FAM13A: variants seen among roughly 807,000 people sequenced by gnomAD.
FAM13A encodes the protein protein FAM13A.
A neutral mutation model predicts 129.6 loss-of-function variants in FAM13A; 76 were observed. That is an observed-to-expected ratio of 0.59 (90% CI 0.49 to 0.71). The LOEUF is 0.71. Ranked by LOEUF, FAM13A falls within the 30% of genes least tolerant of loss-of-function variation. FAM13A has a pLI of 0.00. For synonymous variants in FAM13A, 443 were observed against 449.9 expected, an observed-to-expected ratio of 0.98 and a Z score of 0.20; for missense variants, 1,108 against 1,249.3, an observed-to-expected ratio of 0.89 and a Z score of 1.70.
At chr4:88,791,629 TTTTC>T (rs1725178534) in intron 8 of FAM13A, among the ~76,000 whole-genome samples, 1 of 152,158 alleles carries the variant, frequency 6.6e-6, no homozygotes, top group Non-Finnish European at 1.5e-5. Flanking sequence ...CTAATAGTTC[TTTTC>T]TTTCTTTGTA....
At chr4:88,766,821 T>C (rs1405952341) in intron 13 of FAM13A, among the ~76,000 whole-genome samples, 2 of 152,194 alleles carry the variant, frequency 1.3e-5, no homozygotes, top group Non-Finnish European at 1.5e-5. Flanking sequence ...AGAGTCAGAA[T>C]TTAAGAGTAG....
chr4:89,049,288 T>C (rs1422936274), intron 1 of FAM13A, among the ~76,000 whole-genome samples: 1 of 151,964 alleles, frequency 6.6e-6, no homozygotes, highest in Non-Finnish European at 1.5e-5. Context: ...CCAAGACACA[T>C]TGAAAGTTAA....
chr4:88,757,050 TA>T (rs911057824), intron 14 of FAM13A, among the ~76,000 whole-genome samples: 123 of 151,008 alleles, frequency 8.1e-4, no homozygotes, highest in Middle Eastern at 3.4e-3. Context: ...AATAACTTTT[TA>T]AAAAAAAAAT....
intron 11 of FAM13A, 76 bp from the exon 12 acceptor site, chr4:88,768,135 T>C (rs950874806): frequency 2.8e-5 from 22 of 773,452 alleles, no homozygotes; most frequent in Admixed American, 1.3e-4. Context: ...TTCTTTAAAA[T>C]AGAAAAATCA....
chr4:88,728,492 T>C lies in FAM13A; in HGVS notation c.*41A>G, dbSNP rs1360178074. ...TGCACTTTCTCTGGGGACAGTAAACTCTCACCGCAGCTGCCAGCCCCCTGT... is the reference window on the plus strand; with the variant it reads ...TGCACTTTCTCTGGGGACAGTAAACCCTCACCGCAGCTGCCAGCCCCCTGT... On this transcript the variant is annotated 3_prime_UTR_variant, in exon 24 of 24. Transcript: ENST00000264344. 5 of 1,612,678 alleles carry C rather than the reference T, an allele frequency of 3.1e-6. No individual in the cohort carries two copies. The highest frequency in any genetic ancestry group is 4.2e-6 in the Non-Finnish European group (5 of 1,179,628).
intron 6 of FAM13A, among the ~76,000 whole-genome samples, chr4:88,899,620 T>C (rs1045510837): frequency 2.6e-5 from 4 of 152,080 alleles, no homozygotes; most frequent in Non-Finnish European, 5.9e-5. Context: ...ATAAAACTAA[T>C]ACAATTACTT....
rs752294802 is a variant in FAM13A at position 88,728,563 on chromosome 4, G to A, written c.3042C>T (p.Ser1014=). 2 of 1,614,162 alleles carry A rather than the reference G, an allele frequency of 1.2e-6. No individual in the cohort carries two copies. Among genetic ancestry groups the A allele is most frequent in the Non-Finnish European group, 1.7e-6 (2 of 1,180,012 alleles). Residue 1014 remains serine, a synonymous_variant, in exon 24 of 24, where the codon AGC becomes AGT. Coordinates refer to ENST00000264344, the MANE Select transcript of FAM13A (RefSeq NM_014883.4). The part of the protein sequence containing the change: ...AKLRLLEVLI[S]KRDTDSKSM ...TGGACTTGGAATCAGTGTCTCTCTTGCTGATGAGCACCTCCAGGAGCCTCA... is the reference window on the plus strand; with the variant it reads ...TGGACTTGGAATCAGTGTCTCTCTTACTGATGAGCACCTCCAGGAGCCTCA...
intron 5 of FAM13A, among the ~76,000 whole-genome samples, chr4:88,918,830 C>T (rs1750536556): frequency 6.6e-6 from 1 of 152,190 alleles, no homozygotes; most frequent in Non-Finnish European, 1.5e-5. Context: ...CCATTTTCAG[C>T]CTCTCTTCCA....
At chr4:88,789,486 GC>G (rs2149668946) in intron 9 of FAM13A, among the ~76,000 whole-genome samples, 1 of 152,212 alleles carries the variant, frequency 6.6e-6, no homozygotes, top group African/African-American at 2.4e-5. Context: ...CTCCAAAGAG[GC>G]CCACTCATGT....
rs577643211 is a variant in FAM13A at position 89,012,567 on chromosome 4, C to T, written c.427+7893G>A. On this transcript the variant is annotated intron_variant, in intron 3 of 23. Transcript: ENST00000264344. ...ACCCATAGAATCTCAGAGCTTCAGACATCAGACACATCCAAAGTGTATAAT... is the reference window on the plus strand; with the variant it reads ...ACCCATAGAATCTCAGAGCTTCAGATATCAGACACATCCAAAGTGTATAAT... Among the ~76,000 whole-genome samples the T allele has an allele frequency of 3.9e-5, 6 of 152,310 alleles. No homozygotes were observed. The South Asian group carries it at 1.0e-3, about 26-fold the overall frequency.
At chr4:89,043,936 A>G (rs941539156) in intron 1 of FAM13A, among the ~76,000 whole-genome samples, 8 of 151,902 alleles carry the variant, frequency 5.3e-5, no homozygotes, top group Non-Finnish European at 8.8e-5. Flanking sequence ...CAATCAATCA[A>G]TAAGCAAGCC....
intron 13 of FAM13A, among the ~76,000 whole-genome samples, chr4:88,764,615 T>C (rs1035282245): frequency 2.0e-5 from 3 of 152,196 alleles, no homozygotes; most frequent in African/African-American, 7.2e-5. Flanking sequence ...TCTGGATACT[T>C]GTAGTTTGTT....
intron 6 of FAM13A, among the ~76,000 whole-genome samples, chr4:88,859,771 G>A (rs1233302370): frequency 3.3e-5 from 5 of 152,110 alleles, no homozygotes; most frequent in African/African-American, 1.2e-4. Context: ...GTATAGTGTT[G>A]TTTTTAGAGG....
intron 14 of FAM13A, 127 bp downstream of exon 14, chr4:88,758,627 G>GA: frequency 1.1e-6 from 1 of 938,246 alleles, no homozygotes; most frequent in East Asian, 2.5e-5. Flanking sequence ...CGGTCATTTG[G>GA]AAATGCAGTT....
chr4:88,767,964 G>C lies in FAM13A; in HGVS notation c.1535+19C>G. ...TTCCTGCCCTTGGAAAGAATATTAG[G>C]AGACAATTCTAAAATTACCTTTCAT... is the stretch of plus-strand genomic sequence containing the variant. On this transcript the variant is annotated intron_variant, in intron 12 of 23. Coordinates refer to ENST00000264344, the MANE Select transcript of FAM13A (RefSeq NM_014883.4). The C allele has an allele frequency of 6.9e-7, 1 of 1,458,580 alleles. No homozygotes were observed. Among genetic ancestry groups the C allele is most frequent in the Non-Finnish European group, 9.6e-7 (1 of 1,038,996 alleles). The allele number at this position is 1,458,580 out of a possible 1,614,324, so 90.4% of individuals were successfully genotyped here.
chr4:88,912,568 TACACACACAC>T (rs71594867), intron 5 of FAM13A, among the ~76,000 whole-genome samples: 3,042 of 146,188 alleles, frequency 0.021, 31 homozygotes, highest in Non-Finnish European at 0.03. Context: ...CACACATACA[TACACACACAC>T]ACACACACAC....
At chr4:88,875,734 G>A (rs1288859711) in intron 6 of FAM13A, among the ~76,000 whole-genome samples, 2 of 152,208 alleles carry the variant, frequency 1.3e-5, no homozygotes, top group Admixed American at 1.3e-4. Context: ...ACAGTGTGGT[G>A]ATTCCTCAAG....
Position 88,727,362 on chromosome 4 carries a change from T to A in FAM13A, c.*1171A>T, listed in dbSNP as rs753376190. 6.6e-6 allele frequency: 1 copy of A among 152,610 alleles called. No homozygotes were observed. Among genetic ancestry groups the A allele is most frequent in the Admixed American group, 6.5e-5 (1 of 15,284 alleles). 9.5% of individuals were successfully genotyped at this position (152,610 alleles called of 1,614,324 possible). A position where few individuals can be genotyped will look rare whatever the true frequency, so the allele number is the denominator to read the frequency against. ...TACATTTCCTGGTCCCTCCAAAATG[T>A]CTAATATAGACAGTTTTGTGACAAA... On this transcript the variant is annotated 3_prime_UTR_variant, in exon 24 of 24. Coordinates refer to ENST00000264344, the MANE Select transcript of FAM13A (RefSeq NM_014883.4).
At chr4:88,874,805 G>A (rs949131672) in intron 6 of FAM13A, among the ~76,000 whole-genome samples, 1 of 152,138 alleles carries the variant, frequency 6.6e-6, no homozygotes, top group African/African-American at 2.4e-5. Flanking sequence ...AAGTTCATAT[G>A]GAACCAAGAA....
Sources: gnomAD v4.1 joint callset for allele counts (sites outside exome capture counted in the v4.1 genomes callset) on GRCh38, gnomAD v4.1.1 for gene constraint, MANE v1.5 for transcripts, NCBI Gene and HGNC (gene_info 2026-07-23, HGNC 2026-07-21) for gene names.